Variants in CD300LG observed in about 807,000 individuals in gnomAD.
CD300LG encodes the protein CD300 molecule like family member g.
CD300LG carries 29 observed loss-of-function variants against 31.5 expected under a neutral mutation model. The ratio of observed to expected loss-of-function variants is 0.92; its 90% confidence interval spans 0.68 to 1.25. The LOEUF is 1.25. CD300LG is among the 50% of genes most tolerant of loss of function. CD300LG has a pLI of 0.00. For missense variants in CD300LG, 396 were observed against 417.6 expected (o/e 0.95, Z 0.45); for synonymous variants, 175 against 177.2 (o/e 0.99, Z 0.10).
chr17:43,847,849 G>A (rs183509109), intron 1 of CD300LG, among the ~76,000 whole-genome samples: 4 of 152,262 alleles, frequency 2.6e-5, no homozygotes, highest in Admixed American at 2.6e-4. Flanking sequence ...CTAGTGGGAG[G>A]CTAAGGTGGG....
At chr17:43,848,219 G>A (rs1012439791) in intron 1 of CD300LG, among the ~76,000 whole-genome samples, 5 of 152,108 alleles carry the variant, frequency 3.3e-5, no homozygotes, top group African/African-American at 1.2e-4. Context: ...TCCAGCCTGG[G>A]CGGCAAAGTG....
chr17:43,854,658 T>G (rs1185943420), intron 4 of CD300LG, among the ~76,000 whole-genome samples: 1 of 152,112 alleles, frequency 6.6e-6, no homozygotes, highest in East Asian at 1.9e-4. Context: ...ATGCCCCACA[T>G]GCCAGTGACA....
At chr17:43,858,814 G>C (rs1434156312) in intron 6 of CD300LG, among the ~76,000 whole-genome samples, 1 of 152,180 alleles carries the variant, frequency 6.6e-6, no homozygotes, top group Non-Finnish European at 1.5e-5. Context: ...GGCCTCACAG[G>C]GGTGTGAAAA....
intron 6 of CD300LG, 75 bp downstream of exon 6, chr17:43,857,231 T>G: frequency 1.3e-6 from 2 of 1,559,758 alleles, no homozygotes; most frequent in Non-Finnish European, 1.8e-6. Flanking sequence ...GGGCTTTGCC[T>G]CTGTGACTTC....
chr17:43,855,079 T>G, intron 4 of CD300LG, 128 bp from the exon 5 acceptor site: 2 of 114,916 alleles, frequency 1.7e-5, no homozygotes, highest in Non-Finnish European at 1.7e-5. Context: ...CCCCCACAAG[T>G]CTCTGCTGCA....
At chr17:43,858,788 T>A in intron 6 of CD300LG, 1 of 846,040 alleles carries the variant, frequency 1.2e-6, no homozygotes, top group Non-Finnish European at 1.4e-6. Context: ...GGGGATGCAT[T>A]ACTTATACTT....
Position 43,853,791 on chromosome 17 carries a change from G to A in CD300LG, c.482-16G>A, listed in dbSNP as rs1238404852. On this transcript the variant is annotated splice_polypyrimidine_tract_variant and intron_variant, in intron 3 of 6. Transcript: ENST00000317310. ...GGGTCAGGAAGGATGCTGAGGCATTGCTTTTGGACTTGTAGCTTCTCCTGG... is the reference window on the plus strand; with the variant it reads ...GGGTCAGGAAGGATGCTGAGGCATTACTTTTGGACTTGTAGCTTCTCCTGG... 22 of 1,604,628 alleles carry A rather than the reference G, an allele frequency of 1.4e-5. No homozygotes were observed. Among genetic ancestry groups the A allele is most frequent in the Non-Finnish European group, 1.9e-5 (22 of 1,172,692 alleles).
At chr17:43,855,340 G>A (rs1321018675) in intron 5 of CD300LG, 21 bp downstream of exon 5, 3 of 1,465,896 alleles carry the variant, frequency 2.0e-6, no homozygotes, top group African/African-American at 1.4e-5. Context: ...GTGGGCGGCA[G>A]GAAGGCGGGA....
At chr17:43,857,772 C>T (rs1259736717) in intron 6 of CD300LG, 1 of 1,537,228 alleles carries the variant, frequency 6.5e-7, no homozygotes, top group East Asian at 2.4e-5. Context: ...TTCTTGACTC[C>T]TGCTCTTCTC....
rs773896986 is a variant in CD300LG at position 43,860,530 on chromosome 17, G to T, written c.886-1268G>T. Among the ~76,000 whole-genome samples, 15 of 152,304 alleles carry T rather than the reference G, an allele frequency of 9.8e-5. No homozygotes were observed. The East Asian group carries it at 2.7e-3, about 27-fold the overall frequency. Reference sequence around the variant, plus strand: ...TGCTAGGGCAAGGCCTGAGATGGACGGGCCTGGCGTTCCTGATCTGAGGAC... The same window carrying T: ...TGCTAGGGCAAGGCCTGAGATGGACTGGCCTGGCGTTCCTGATCTGAGGAC... On this transcript the variant is annotated intron_variant, in intron 6 of 6. Coordinates refer to ENST00000317310, the MANE Select transcript of CD300LG (RefSeq NM_145273.4).
chr17:43,851,363 T>C (rs1328925289), intron 2 of CD300LG, among the ~76,000 whole-genome samples: 1 of 152,178 alleles, frequency 6.6e-6, no homozygotes, highest in Non-Finnish European at 1.5e-5. Context: ...CTGGGGCATT[T>C]TGGATTTCAG....
chr17:43,851,132 T>G (rs1420060606), intron 2 of CD300LG, among the ~76,000 whole-genome samples: 3 of 61,228 alleles, frequency 4.9e-5, no homozygotes, highest in African/African-American at 2.6e-4. Context: ...AGACTCAGTC[T>G]CAAAAAAAAA....
At chr17:43,851,133 C>CAAAAAAAAAAAA (rs777282117) in intron 2 of CD300LG, among the ~76,000 whole-genome samples, 2 of 40,608 alleles carry the variant, frequency 4.9e-5, no homozygotes, top group Non-Finnish European at 1.0e-4. Context: ...GACTCAGTCT[C>CAAAAAAAAAAAA]AAAAAAAAAA....
chr17:43,860,179 G>C (rs779925797), intron 6 of CD300LG, among the ~76,000 whole-genome samples: 1 of 152,174 alleles, frequency 6.6e-6, no homozygotes. Flanking sequence ...CACCCTGCCC[G>C]GATGGCAGCA....
Position 43,848,572 on chromosome 17 carries a change from G to T in CD300LG, c.58G>T (p.Glu20Ter), listed in dbSNP as rs1387891856. 1.2e-6 allele frequency: 2 copies of T among 1,613,612 alleles called. No individual in the cohort carries two copies. The highest frequency in any genetic ancestry group is 1.7e-6 in the Non-Finnish European group (2 of 1,179,758). Residue 20 changes from glutamate to a stop codon, truncating the protein, a stop_gained, in exon 2 of 7, where the codon GAG becomes TAG. Coordinates refer to ENST00000317310, the MANE Select transcript of CD300LG (RefSeq NM_145273.4). LOFTEE classifies it high-confidence loss of function. ...CLLLPGYEAL[E>*]GPEEISGFEG... ...TCTGATTTTAGGTTATGAAGCCCTG[G>T]AGGGCCCAGAGGAAATCAGCGGGTT...
chr17:43,855,948 A>G (rs1378329773), intron 5 of CD300LG, among the ~76,000 whole-genome samples: 1 of 152,192 alleles, frequency 6.6e-6, no homozygotes, highest in Non-Finnish European at 1.5e-5. Context: ...TATTTTAATT[A>G]CTTATTTTTT....
chr17:43,852,922 T>C lies in CD300LG; in HGVS notation c.390T>C (p.Cys130=), dbSNP rs2046401785. Residue 130 remains cysteine (C), a synonymous_variant, in exon 3 of 7, where the codon TGT becomes TGC. Transcript: ENST00000317310. ...TTCCCTTTCCTCTAGGACCCTGCTG[T>C]CCTCCCTCCCCTTCTCCCACCTTCC... ...ISLFVFPGPC[C]PPSPSPTFQP... 1 of 1,611,500 alleles carries C rather than the reference T, an allele frequency of 6.2e-7. No individual in the cohort carries two copies. The highest frequency in any genetic ancestry group is 8.5e-7 in the Non-Finnish European group (1 of 1,178,882).
chr17:43,852,718 G>A (rs565290851), intron 2 of CD300LG, among the ~76,000 whole-genome samples, 194 bp from the exon 3 acceptor site: 13 of 152,326 alleles, frequency 8.5e-5, no homozygotes, highest in Admixed American at 7.2e-4. Flanking sequence ...AGCTAGGCGC[G>A]AGGCCAGGGG....
chr17:43,857,526 C>G (rs1353834600), intron 6 of CD300LG: 2 of 1,492,356 alleles, frequency 1.3e-6, no homozygotes, highest in Admixed American at 2.0e-5. Flanking sequence ...TGACTTTTCT[C>G]TCAGTTTGAA....
Sources: gnomAD v4.1 joint callset for allele counts (sites outside exome capture counted in the v4.1 genomes callset) on GRCh38, gnomAD v4.1.1 for gene constraint, MANE v1.5 for transcripts, NCBI Gene and HGNC (gene_info 2026-07-23, HGNC 2026-07-21) for gene names.